The following MRAP variants were observed in gnomAD, a reference collection of about 807,000 sequenced individuals.
The protein encoded by MRAP is melanocortin 2 receptor accessory protein.
A neutral mutation model predicts 8.7 loss-of-function variants in MRAP; 8 were observed. That is an observed-to-expected ratio of 0.92 (90% confidence interval 0.54 to 1.66). The LOEUF is 1.66. Ranked by LOEUF, MRAP falls within the 40% of genes most tolerant of loss-of-function variation. The pLI is 0.00. For synonymous variants in MRAP, 95 were observed against 95.5 expected, an observed-to-expected ratio of 1.00 and a Z score of 0.03; for missense variants, 237 against 217.1, an observed-to-expected ratio of 1.09 and a Z score of -0.58.
At chr21:32,297,624 C>T (rs868444078), upstream of MRAP, among the ~76,000 whole-genome samples, 1 of 152,130 alleles carries the variant, frequency 6.6e-6, no homozygotes, top group Admixed American at 6.5e-5. Context: ...TGTGTGTGAG[C>T]CATTCTAGCA....
At chr21:32,314,297 G>A, downstream of MRAP, 2 of 405,236 alleles carry the variant, frequency 4.9e-6, no homozygotes, top group Non-Finnish European at 4.7e-6. Context: ...CGATTCCCCT[G>A]CCTTAGCCTC....
At chr21:32,297,042 T>G (rs1361851860), upstream of MRAP, among the ~76,000 whole-genome samples, 1 of 152,250 alleles carries the variant, frequency 6.6e-6, no homozygotes, top group East Asian at 1.9e-4. Context: ...TGACCACTGT[T>G]CTATATGGAG....
At chr21:32,310,479 A>T (rs981791502) in intron 2 of MRAP, among the ~76,000 whole-genome samples, 1 of 152,104 alleles carries the variant, frequency 6.6e-6, no homozygotes, top group African/African-American at 2.4e-5. Context: ...CGTTTTATAC[A>T]TCATCTCATT....
chr21:32,292,701 C>T (rs2032070498), intron 1 of MRAP, among the ~76,000 whole-genome samples: 1 of 152,024 alleles, frequency 6.6e-6, no homozygotes, highest in South Asian at 2.1e-4. Flanking sequence ...AGGTAATTCA[C>T]CTGCCTTTGC....
upstream of MRAP, among the ~76,000 whole-genome samples, chr21:32,294,295 T>C (rs956954018): frequency 1.3e-5 from 2 of 152,122 alleles, no homozygotes; most frequent in African/African-American, 4.8e-5. Context: ...TTTTGTATTT[T>C]TAGTAGAGAA....
intron 1 of MRAP, chr21:32,306,399 C>G: frequency 1.9e-6 from 1 of 535,864 alleles, no homozygotes; most frequent in East Asian, 3.5e-5. Flanking sequence ...TTCCTCTTAA[C>G]AATCACCCTA....
chr21:32,303,413 T>G (rs183354586), intron 1 of MRAP, among the ~76,000 whole-genome samples: 15 of 152,334 alleles, frequency 9.8e-5, no homozygotes, highest in Non-Finnish European at 1.9e-4. Flanking sequence ...TTGGATTAAT[T>G]TGTTAACTCC....
At chr21:32,298,463 T>C (rs1183348780), upstream of MRAP, among the ~76,000 whole-genome samples, 2 of 152,212 alleles carry the variant, frequency 1.3e-5, no homozygotes, top group Non-Finnish European at 2.9e-5. Context: ...CCCTCAGATA[T>C]TGAATCTAAG....
chr21:32,303,837 A>G (rs2032341285), intron 1 of MRAP, among the ~76,000 whole-genome samples: 1 of 152,062 alleles, frequency 6.6e-6, no homozygotes, highest in African/African-American at 2.4e-5. Flanking sequence ...TCTCTTGCCT[A>G]TTTTTTTTCA....
At chr21:32,303,047 T>A (rs1356377485) in intron 1 of MRAP, among the ~76,000 whole-genome samples, 3 of 145,884 alleles carry the variant, frequency 2.1e-5, no homozygotes, top group African/African-American at 7.7e-5. Context: ...TGACTCAATC[T>A]CGGCTCACTG....
At chr21:32,294,024 C>A (rs1247151238), upstream of MRAP, among the ~76,000 whole-genome samples, 2 of 152,004 alleles carry the variant, frequency 1.3e-5, no homozygotes, top group African/African-American at 4.8e-5. Flanking sequence ...GTAAAAATTC[C>A]AAACTAATAA....
At chr21:32,305,458 T>C (rs376414233) in intron 1 of MRAP, among the ~76,000 whole-genome samples, 9 of 152,346 alleles carry the variant, frequency 5.9e-5, no homozygotes, top group South Asian at 2.1e-4. Context: ...TTATTCATTC[T>C]TTCAGTGGTT....
At chr21:32,294,720 T>C (rs1241630775), upstream of MRAP, among the ~76,000 whole-genome samples, 1 of 152,148 alleles carries the variant, frequency 6.6e-6, no homozygotes, top group Non-Finnish European at 1.5e-5. Flanking sequence ...AATATGTCCA[T>C]TTCTACAGTT....
intron 1 of MRAP, among the ~76,000 whole-genome samples, chr21:32,304,558 T>A (rs2032358655): frequency 2.0e-5 from 3 of 151,810 alleles, no homozygotes; most frequent in Admixed American, 6.6e-5. Context: ...GAGGTTGCAG[T>A]GAGCCGAGAT....
At chr21:32,308,904 C>A (rs1455024825) in intron 2 of MRAP, among the ~76,000 whole-genome samples, 2 of 152,158 alleles carry the variant, frequency 1.3e-5, no homozygotes, top group African/African-American at 4.8e-5. Context: ...GGAAGCTGGT[C>A]AGCAGAGAGA....
intron 1 of MRAP, among the ~76,000 whole-genome samples, chr21:32,300,214 C>T (rs148151400): frequency 6.6e-6 from 1 of 152,308 alleles, no homozygotes; most frequent in East Asian, 1.9e-4. Context: ...CAGTGAGATC[C>T]CATCTCCACA....
At position 32,306,744 on chromosome 21, in the gene MRAP, G is replaced by A; in HGVS notation, c.206+5G>A. 1 of 1,611,858 alleles carries A rather than the reference G, an allele frequency of 6.2e-7. No individual in the cohort carries two copies. Reference sequence around the variant, plus strand: ...GTCCGCCTCCCCGCAGATGAGGTGGGTAAGAAGGGGTGTGAGTCTGTGGGT... The same window carrying A: ...GTCCGCCTCCCCGCAGATGAGGTGGATAAGAAGGGGTGTGAGTCTGTGGGT... On this transcript the variant is annotated splice_donor_5th_base_variant and intron_variant, in intron 2 of 2. Coordinates refer to ENST00000303645, the MANE Select transcript of MRAP (RefSeq NM_001379228.1).
chr21:32,308,924 C>G (rs1055094221), intron 2 of MRAP, among the ~76,000 whole-genome samples: 2 of 152,170 alleles, frequency 1.3e-5, no homozygotes, highest in African/African-American at 4.8e-5. Flanking sequence ...ATGAGCCAAA[C>G]TGTGCTGAGG....
intron 2 of MRAP, among the ~76,000 whole-genome samples, chr21:32,309,137 A>C (rs2032490236): frequency 6.6e-6 from 1 of 152,168 alleles, no homozygotes; most frequent in South Asian, 2.1e-4. Flanking sequence ...CATGGCACCG[A>C]CATCTGCTTA....
Sources: allele counts gnomAD v4.1 joint callset (sites outside exome capture counted in the v4.1 genomes callset), GRCh38; gene constraint gnomAD v4.1.1; transcripts MANE v1.5; gene names NCBI Gene and HGNC (gene_info 2026-07-23, HGNC 2026-07-21).